The following GALNT13 variants were observed in gnomAD, a reference collection of about 807,000 sequenced individuals.
GALNT13 encodes the protein UDP-GalNAc:polypeptide N-acetylgalactosaminyltransferase 13.
In GALNT13, 28 loss-of-function variants were observed where a neutral mutation model predicts 64.2. That is an observed-to-expected ratio of 0.44 (90% CI 0.32 to 0.60). The LOEUF (loss-of-function observed/expected upper bound fraction) is 0.60. Among genes scored for constraint, GALNT13 ranks in the 20% least tolerant of loss-of-function variants. The pLI is 0.05. For missense variants in GALNT13, 577 were observed against 669.8 expected (o/e 0.86, Z 1.53); for synonymous variants, 214 against 224.6 (o/e 0.95, Z 0.42).
chr2:153,177,557 A>G, the GALNT13 span, among the ~76,000 whole-genome samples: 1 of 152,122 alleles, frequency 6.6e-6, no homozygotes, highest in African/African-American at 2.4e-5. Context: ...CTGTTTGCAA[A>G]TACACACTTT....
chr2:153,387,864 C>G, the GALNT13 span, among the ~76,000 whole-genome samples: 1 of 151,954 alleles, frequency 6.6e-6, no homozygotes, highest in African/African-American at 2.4e-5. Context: ...ATAGCAGTGT[C>G]TAAGGAAAAG....
At chr2:153,573,577 C>T in the GALNT13 span, among the ~76,000 whole-genome samples, 1 of 151,764 alleles carries the variant, frequency 6.6e-6, no homozygotes, top group Non-Finnish European at 1.5e-5. Context: ...TTTAATTTCT[C>T]ACGTTTTATT....
chr2:153,488,586 T>C, the GALNT13 span, among the ~76,000 whole-genome samples: 1 of 152,304 alleles, frequency 6.6e-6, no homozygotes, highest in African/African-American at 2.4e-5. Context: ...CACAACATCA[T>C]TGCTGGAGAG....
the GALNT13 span, among the ~76,000 whole-genome samples, chr2:153,193,017 C>T: frequency 6.6e-6 from 1 of 152,064 alleles, no homozygotes; most frequent in Admixed American, 6.6e-5. Context: ...TGAGGACTTA[C>T]TCCTGCCATT....
At chr2:153,305,247 G>C in the GALNT13 span, among the ~76,000 whole-genome samples, 3 of 152,068 alleles carry the variant, frequency 2.0e-5, no homozygotes, top group Admixed American at 2.0e-4. Flanking sequence ...TGGGTTCATA[G>C]CAATTATGGT....
intron 9 of GALNT13, among the ~76,000 whole-genome samples, chr2:154,380,216 A>C (rs1231029934): frequency 1.3e-5 from 2 of 152,044 alleles, no homozygotes; most frequent in African/African-American, 4.8e-5. Flanking sequence ...AAGTATTAAA[A>C]ATTATATGTT....
At chr2:153,441,347 G>C in the GALNT13 span, among the ~76,000 whole-genome samples, 1 of 152,210 alleles carries the variant, frequency 6.6e-6, no homozygotes, top group Non-Finnish European at 1.5e-5. Flanking sequence ...GTTGGTTACT[G>C]TAGCCTTGTA....
chr2:153,237,133 A>G, the GALNT13 span, among the ~76,000 whole-genome samples: 15 of 152,236 alleles, frequency 9.9e-5, no homozygotes, highest in Non-Finnish European at 2.1e-4. Context: ...CTGTAATCTT[A>G]TGGTTAAACT....
chr2:154,419,591 T>C (rs1042571743), intron 11 of GALNT13, among the ~76,000 whole-genome samples: 3 of 152,154 alleles, frequency 2.0e-5, no homozygotes, highest in African/African-American at 7.2e-5. Flanking sequence ...GGATCCTACA[T>C]TGATTTAAAT....
At chr2:153,153,485 T>C in the GALNT13 span, among the ~76,000 whole-genome samples, 2 of 152,136 alleles carry the variant, frequency 1.3e-5, no homozygotes, top group Non-Finnish European at 2.9e-5. Flanking sequence ...TCCTGAATAG[T>C]ATTGCCTAGA....
chr2:153,907,115 T>C (rs543413045), intron 2 of GALNT13, among the ~76,000 whole-genome samples: 27 of 152,146 alleles, frequency 1.8e-4, no homozygotes, highest in African/African-American at 4.8e-4. Flanking sequence ...CTTGTAAATT[T>C]GTTTGAGTTC....
chr2:154,395,498 CTAGA>C (rs1385119414), intron 9 of GALNT13, among the ~76,000 whole-genome samples: 1 of 151,848 alleles, frequency 6.6e-6, no homozygotes, highest in Non-Finnish European at 1.5e-5. Flanking sequence ...TTTATGGTAA[CTAGA>C]TAGAAGTTCA....
At chr2:154,004,647 A>G (rs940674624) in intron 3 of GALNT13, among the ~76,000 whole-genome samples, 9 of 152,210 alleles carry the variant, frequency 5.9e-5, no homozygotes, top group Non-Finnish European at 8.8e-5. Flanking sequence ...CAGTCGTACC[A>G]TAGATCAGTT....
chr2:153,501,038 C>T, the GALNT13 span, among the ~76,000 whole-genome samples: 1 of 151,296 alleles, frequency 6.6e-6, no homozygotes, highest in East Asian at 2.0e-4. Flanking sequence ...TTTCAGGGGC[C>T]CTCTGTAGCA....
chr2:154,090,835 AT>A (rs1296582649), intron 3 of GALNT13, among the ~76,000 whole-genome samples: 1 of 152,074 alleles, frequency 6.6e-6, no homozygotes, highest in Non-Finnish European at 1.5e-5. Context: ...AAAATACAAC[AT>A]TTAAAAAACC....
chr2:153,576,310 AG>A, the GALNT13 span, among the ~76,000 whole-genome samples: 6 of 152,216 alleles, frequency 3.9e-5, no homozygotes, highest in African/African-American at 1.4e-4. Flanking sequence ...CTGCGGGCCC[AG>A]TTCAACACTA....
intron 10 of GALNT13, among the ~76,000 whole-genome samples, chr2:154,399,559 C>A (rs1047264985): frequency 2.0e-5 from 3 of 152,068 alleles, no homozygotes; most frequent in Admixed American, 6.6e-5. Flanking sequence ...AAGGATGAAG[C>A]CCTCATGACT....
the GALNT13 span, among the ~76,000 whole-genome samples, chr2:153,212,110 C>G: frequency 2.0e-5 from 3 of 152,162 alleles, no homozygotes; most frequent in Non-Finnish European, 4.4e-5. Flanking sequence ...ACCAGCACAT[C>G]CTACTGTCAA....
chr2:153,678,464 G>A, the GALNT13 span, among the ~76,000 whole-genome samples: 3 of 152,018 alleles, frequency 2.0e-5, no homozygotes, highest in Non-Finnish European at 2.9e-5. Flanking sequence ...ACTTATATGC[G>A]GGAGCTAAAC....
Sources: gnomAD v4.1 joint callset for allele counts (sites outside exome capture counted in the v4.1 genomes callset) on GRCh38, gnomAD v4.1.1 for gene constraint, MANE v1.5 for transcripts, NCBI Gene and HGNC (gene_info 2026-07-23, HGNC 2026-07-21) for gene names.